Variants in TRIM8 observed in about 807,000 individuals in gnomAD.
The protein encoded by TRIM8 is E3 ubiquitin-protein ligase TRIM8.
A neutral mutation model predicts 55.7 loss-of-function variants in TRIM8; 9 were observed. The ratio of observed to expected loss-of-function variants is 0.16; its 90% CI spans 0.10 to 0.28. The LOEUF is 0.28. TRIM8 is among the 10% of genes least tolerant of loss of function. The probability of loss-of-function intolerance (pLI) is 1.00; values close to 1 mark genes in which losing one functional copy is unlikely to be tolerated. For missense variants in TRIM8, 556 were observed against 736.4 expected (o/e 0.76, Z 2.83); for synonymous variants, 335 against 333.3 (o/e 1.01, Z -0.06).
rs1453645340 is a variant in TRIM8 at position 102,644,802 on chromosome 10, A to G, written c.185A>G (p.Lys62Arg). 6.2e-7 allele frequency: 1 copy of G among 1,613,316 alleles called. No individual in the cohort carries two copies. Residue 62 changes from lysine (K) to arginine (R), a missense_variant, in exon 1 of 6, where the codon AAG becomes AGG. Physicochemically the swap from Lys to Arg is conservative, Grantham distance 26 (BLOSUM62 2). Coordinates refer to ENST00000643721, the MANE Select transcript of TRIM8 (RefSeq NM_030912.3). ...CPECNQAYNQ[K>R]PGLEKNLKLT... ...GAGTGCAACCAGGCCTACAACCAGA[A>G]GCCGGGCCTGGAGAAGAACCTGAAG...
chr10:102,652,867 G>A (rs1231697371), intron 1 of TRIM8, among the ~76,000 whole-genome samples: 6 of 151,100 alleles, frequency 4.0e-5, no homozygotes, highest in South Asian at 2.1e-4. Flanking sequence ...GCAATGGCGC[G>A]ATCTTGGCTC....
At position 102,657,539 on chromosome 10, in the gene TRIM8, A is replaced by C. The variant is rs2064038091; in HGVS notation, c.*185A>C. ...TTGTTTTTGATTTTTTTTTATTATG[A>C]ATCTCCTGGACGCAGAGGTGACAGT... On this transcript the variant is annotated 3_prime_UTR_variant, in exon 6 of 6. Coordinates refer to ENST00000643721, the MANE Select transcript of TRIM8 (RefSeq NM_030912.3). 3 of 746,958 alleles carry C rather than the reference A, an allele frequency of 4.0e-6. No individual in the cohort carries two copies. In the East Asian group the frequency reaches 9.0e-5, roughly 22 times the overall value. 46.3% of individuals were successfully genotyped at this position (746,958 alleles called of 1,614,324 possible).
At chr10:102,645,425 T>C in intron 1 of TRIM8, 1 of 467,408 alleles carries the variant, frequency 2.1e-6, no homozygotes. Context: ...GAGTGCTTTA[T>C]GGGATTGGGG....
intron 1 of TRIM8, among the ~76,000 whole-genome samples, chr10:102,651,553 A>C (rs1486683426): frequency 6.6e-6 from 1 of 152,166 alleles, no homozygotes; most frequent in Non-Finnish European, 1.5e-5. Context: ...TCCTCCCTGA[A>C]CCAGCTCCTG....
At position 102,644,490 on chromosome 10, in the gene TRIM8, T is replaced by A. The variant is rs2063917059; in HGVS notation, c.-128T>A. ...GGGGCGGGCACGCGGAAGGCGCTGC[T>A]GACTGAGCGACCGTCGGGGCCGGCT... On this transcript the variant is annotated 5_prime_UTR_variant, in exon 1 of 6. Transcript: ENST00000643721. 1.2e-6 allele frequency: 1 copy of A among 853,768 alleles called. No homozygotes were observed. The highest frequency in any genetic ancestry group is 1.7e-6 in the Non-Finnish European group (1 of 590,202). 52.9% of individuals were successfully genotyped at this position (853,768 alleles called of 1,614,324 possible).
At position 102,655,076 on chromosome 10, in the gene TRIM8, G is replaced by A. The variant is rs371754280; in HGVS notation, c.667-4G>A. The stretch of plus-strand genomic sequence containing the variant: ...CTGCCCACTCCTGCCCTCTGTACTC[G>A]CAGGAGAAAGTGAACCAACTGAAGG... On this transcript the variant is annotated splice_polypyrimidine_tract_variant and splice_region_variant and intron_variant, in intron 2 of 5. Coordinates refer to ENST00000643721, the MANE Select transcript of TRIM8 (RefSeq NM_030912.3). 18 of 1,612,782 alleles carry A rather than the reference G, an allele frequency of 1.1e-5. No homozygotes were observed. In the South Asian group the frequency reaches 1.2e-4, roughly 11 times the overall value.
intron 1 of TRIM8, among the ~76,000 whole-genome samples, chr10:102,650,356 G>A (rs185635002): frequency 6.6e-5 from 10 of 152,270 alleles, no homozygotes; most frequent in African/African-American, 2.2e-4. Flanking sequence ...GGAAGCAGCG[G>A]CAAAGCTGAG....
chr10:102,652,076 G>C (rs960509318), intron 1 of TRIM8, among the ~76,000 whole-genome samples: 3 of 152,194 alleles, frequency 2.0e-5, no homozygotes, highest in Admixed American at 2.0e-4. Context: ...GCTTCTGGGG[G>C]CAGGGCAAGG....
intron 1 of TRIM8, among the ~76,000 whole-genome samples, chr10:102,646,054 C>A (rs987922156): frequency 8.5e-5 from 13 of 152,162 alleles, no homozygotes; most frequent in Non-Finnish European, 1.6e-4. Flanking sequence ...TGGGTGATTA[C>A]GGAACCGCGT....
intron 1 of TRIM8, 24 bp downstream of exon 1, chr10:102,645,211 GCA>G (rs754322583): frequency 4.2e-3 from 5,710 of 1,345,096 alleles, no homozygotes; most frequent in Admixed American, 7.7e-3. Context: ...GCGCGCGCGC[GCA>G]CACACACACA....
intron 3 of TRIM8, 54 bp downstream of exon 3, chr10:102,655,367 G>C: frequency 6.5e-7 from 1 of 1,526,794 alleles, no homozygotes; most frequent in Non-Finnish European, 9.0e-7. Context: ...TTTCCAAATT[G>C]AGATCTGCAG....
In TRIM8 at chr10:102,657,243, C is replaced by CCTTCCCAGCCT; in HGVS notation, c.1546_1556dup (p.Ala520PhefsTer34). The CCTTCCCAGCCT allele has an allele frequency of 6.2e-7, 1 of 1,614,092 alleles. No individual in the cohort carries two copies. The highest frequency in any genetic ancestry group is 8.5e-7 in the Non-Finnish European group (1 of 1,180,002). On this transcript the variant is annotated frameshift_variant, in exon 6 of 6. Coordinates refer to ENST00000643721, the MANE Select transcript of TRIM8 (RefSeq NM_030912.3). LOFTEE classifies it high-confidence loss of function. ...CGCCCACACCCTCCGTCCCCCAGTC[C>CCTTCCCAGCCT]CTTCCCAGCCTGGCGGTCAGAGACT...
chr10:102,656,840 C>A lies in TRIM8; in HGVS notation c.1142C>A (p.Thr381Lys), dbSNP rs751046151. 1.9e-6 allele frequency: 3 copies of A among 1,546,210 alleles called. No homozygotes were observed. The highest frequency in any genetic ancestry group is 2.5e-5 in the South Asian group (2 of 79,684). The change falls in exon 6 of 6, where the codon ACG becomes AAG. Residue 381 changes from threonine to lysine, a missense_variant. Coordinates refer to ENST00000643721, the MANE Select transcript of TRIM8 (RefSeq NM_030912.3). This position sits in a 1 kb window ranked among gnomAD's most constrained non-coding sequence, Gnocchi z 4.6. ...GGGGCGGAAAAGCGCAAGCACTCAACGGCCTTCCCAGAGGCCAGTTTCCTA... is the reference window on the plus strand; with the variant it reads ...GGGGCGGAAAAGCGCAAGCACTCAAAGGCCTTCCCAGAGGCCAGTTTCCTA... ...SSGAEKRKHS[T>K]AFPEASFLET...
intron 1 of TRIM8, among the ~76,000 whole-genome samples, chr10:102,650,478 C>CT (rs775712694): frequency 1.8e-4 from 28 of 152,160 alleles, no homozygotes; most frequent in Non-Finnish European, 3.7e-4. Flanking sequence ...ACAGGCAGGG[C>CT]TGGGGGTGTG....
intron 1 of TRIM8, among the ~76,000 whole-genome samples, chr10:102,652,911 C>G (rs979574017): frequency 2.0e-5 from 3 of 151,458 alleles, no homozygotes; most frequent in African/African-American, 7.3e-5. Context: ...TCAAGTGATT[C>G]TCCTGCCTCA....
Position 102,655,247 on chromosome 10 carries a change from G to A in TRIM8, c.834G>A (p.Glu278=), listed in dbSNP as rs2064014599. The A allele has an allele frequency of 6.2e-7, 1 of 1,600,696 alleles. No individual in the cohort carries two copies. Among genetic ancestry groups the A allele is most frequent in the Non-Finnish European group, 8.5e-7 (1 of 1,176,594 alleles). The change falls in exon 3 of 6, where the codon GAG becomes GAA. Residue 278 remains glutamate, a synonymous_variant. Transcript: ENST00000643721. ...QALHLGERMQ[E]AKKLLGSLQL... ...TGCACCTCGGGGAGCGCATGCAGGAGGCCAAGAAGCTGCTGGGCTCCCTGC... is the reference window on the plus strand; with the variant it reads ...TGCACCTCGGGGAGCGCATGCAGGAAGCCAAGAAGCTGCTGGGCTCCCTGC...
rs965278105 is a variant in TRIM8 at position 102,654,366 on chromosome 10, G to A, written c.571-287G>A. On this transcript the variant is annotated intron_variant, in intron 1 of 5. Coordinates refer to ENST00000643721, the MANE Select transcript of TRIM8 (RefSeq NM_030912.3). ...ACAGGAGAATCACTTGAACCGGGGA[G>A]GCGGAGGTTACAGTGAGCCGAGATC... 6 of 277,420 alleles carry A rather than the reference G, an allele frequency of 2.2e-5. No homozygotes were observed. The East Asian group carries it at 4.6e-4, about 21-fold the overall frequency. 17.2% of individuals were successfully genotyped at this position (277,420 alleles called of 1,614,324 possible).
Position 102,650,921 on chromosome 10 carries a change from G to A in TRIM8, c.571-3732G>A, listed in dbSNP as rs142474879. ...TCATTCGGTGAACTGGGGTGGGGTCGTGAAGGGGACGGCAGGCAGGTATTT... is the reference window on the plus strand; with the variant it reads ...TCATTCGGTGAACTGGGGTGGGGTCATGAAGGGGACGGCAGGCAGGTATTT... On this transcript the variant is annotated intron_variant, in intron 1 of 5. Coordinates refer to ENST00000643721, the MANE Select transcript of TRIM8 (RefSeq NM_030912.3). 1.0e-3 allele frequency among the ~76,000 whole-genome samples: 153 copies of A among 152,290 alleles called. 1 individual carries two copies. Among genetic ancestry groups the A allele is most frequent in the South Asian group, 6.8e-3 (33 of 4,828 alleles).
At position 102,656,437 on chromosome 10, in the gene TRIM8, T is replaced by G. The variant is rs997148851; in HGVS notation, c.1048+52T>G. On this transcript the variant is annotated intron_variant, in intron 5 of 5. Transcript: ENST00000643721. The surrounding 1 kb of genome is among the most constrained non-coding windows in gnomAD (Gnocchi z 4.6). Reference sequence around the variant, plus strand: ...GAGACAGGGACCTTTGGGGAGGGGTTCAGCGCCACAGCCTTCCCTCCAAGA... The same window carrying G: ...GAGACAGGGACCTTTGGGGAGGGGTGCAGCGCCACAGCCTTCCCTCCAAGA... The G allele has an allele frequency of 6.4e-7, 1 of 1,567,808 alleles. No individual in the cohort carries two copies. Among genetic ancestry groups the G allele is most frequent in the African/African-American group, 1.4e-5 (1 of 73,578 alleles).
Sources: gnomAD v4.1 joint callset for allele counts (sites outside exome capture counted in the v4.1 genomes callset) on GRCh38, gnomAD v4.1.1 for gene constraint, Gnocchi (gnomAD v3.1) non-coding constraint, MANE v1.5 for transcripts, NCBI Gene and HGNC (gene_info 2026-07-23, HGNC 2026-07-21) for gene names.